PPARGC1A: variants seen among roughly 807,000 people sequenced by gnomAD.
PPARGC1A encodes peroxisome proliferator-activated receptor gamma coactivator 1-alpha.
A neutral mutation model predicts 88.7 loss-of-function variants in PPARGC1A; 25 were observed. That is an observed-to-expected ratio of 0.28 (90% confidence interval 0.21 to 0.39). PPARGC1A has a LOEUF of 0.39. Among genes scored for constraint, PPARGC1A ranks in the 10% least tolerant of loss-of-function variants. PPARGC1A has a pLI of 1.00. For synonymous variants in PPARGC1A, 363 were observed against 355.6 expected, an observed-to-expected ratio of 1.02 and a Z score of -0.24; for missense variants, 880 against 968.7, an observed-to-expected ratio of 0.91 and a Z score of 1.22.
At chr4:23,985,509 G>A in the PPARGC1A span, among the ~76,000 whole-genome samples, 1 of 149,710 alleles carries the variant, frequency 6.7e-6, no homozygotes, top group Admixed American at 6.7e-5. Flanking sequence ...TTGAACTGTG[G>A]GCATTGATTC....
At chr4:24,146,863 C>T in the PPARGC1A span, among the ~76,000 whole-genome samples, 1 of 152,192 alleles carries the variant, frequency 6.6e-6, no homozygotes, top group Admixed American at 6.5e-5. Flanking sequence ...CCTTGTTATT[C>T]TTTTCCACAT....
At chr4:24,383,894 C>T in the PPARGC1A span, among the ~76,000 whole-genome samples, 7 of 152,076 alleles carry the variant, frequency 4.6e-5, no homozygotes, top group African/African-American at 1.7e-4. Flanking sequence ...AGATACTTCT[C>T]GAGAAGAGCA....
the PPARGC1A span, among the ~76,000 whole-genome samples, chr4:23,956,956 C>T: frequency 6.6e-6 from 1 of 152,166 alleles, no homozygotes; most frequent in South Asian, 2.1e-4. Flanking sequence ...TTCCATTTTA[C>T]AGATAACGAA....
chr4:24,134,682 TC>T, the PPARGC1A span, among the ~76,000 whole-genome samples: 1 of 152,256 alleles, frequency 6.6e-6, no homozygotes, highest in African/African-American at 2.4e-5. Context: ...TTCAAAATTT[TC>T]ACATCATTCT....
At chr4:24,184,280 T>C in the PPARGC1A span, among the ~76,000 whole-genome samples, 37 of 152,306 alleles carry the variant, frequency 2.4e-4, no homozygotes, top group Admixed American at 1.3e-3. Flanking sequence ...AAGGAAAATA[T>C]GTAAATTTAC....
At chr4:24,044,237 G>A in the PPARGC1A span, among the ~76,000 whole-genome samples, 1 of 152,182 alleles carries the variant, frequency 6.6e-6, no homozygotes, top group Non-Finnish European at 1.5e-5. Context: ...GCTTTCCTGA[G>A]CATTCACTTA....
Position 23,830,962 on chromosome 4 carries a change from G to A in PPARGC1A, c.429+595C>T, listed in dbSNP as rs567241329. 2.6e-5 allele frequency among the ~76,000 whole-genome samples: 4 copies of A among 152,074 alleles called. No individual in the cohort carries two copies. The East Asian group carries it at 7.7e-4, about 29-fold the overall frequency. ...CAAAGTCTTAAAACATTGCACATTC[G>A]TTGATCTACCAATTCTTTCTAGGAT... is the stretch of plus-strand genomic sequence containing the variant. On this transcript the variant is annotated intron_variant, in intron 3 of 12. Transcript: ENST00000264867.
chr4:24,060,535 C>CA, the PPARGC1A span, among the ~76,000 whole-genome samples: 4 of 152,106 alleles, frequency 2.6e-5, no homozygotes, highest in Non-Finnish European at 4.4e-5. Flanking sequence ...AGAACAACAA[C>CA]AAAAAAAAAA....
At chr4:24,173,203 G>C in the PPARGC1A span, among the ~76,000 whole-genome samples, 1 of 152,008 alleles carries the variant, frequency 6.6e-6, no homozygotes, top group African/African-American at 2.4e-5. Context: ...ATTGTTGAAG[G>C]ATTGGCCTAA....
the PPARGC1A span, among the ~76,000 whole-genome samples, chr4:24,127,851 T>A: frequency 0.027 from 4,176 of 152,020 alleles, 73 homozygotes; most frequent in Middle Eastern, 0.048. Context: ...AAAAAAATAG[T>A]AAGGAAAATG....
chr4:24,008,343 G>C, the PPARGC1A span, among the ~76,000 whole-genome samples: 1 of 152,186 alleles, frequency 6.6e-6, no homozygotes, highest in Non-Finnish European at 1.5e-5. Context: ...AGATCCTTAG[G>C]AGCTTTTTTT....
the PPARGC1A span, among the ~76,000 whole-genome samples, chr4:24,310,113 G>T: frequency 1.3e-5 from 2 of 152,196 alleles, no homozygotes; most frequent in Non-Finnish European, 2.9e-5. Flanking sequence ...GGCATCCTGT[G>T]TTCAAGATGC....
chr4:23,990,982 C>G, the PPARGC1A span, among the ~76,000 whole-genome samples: 2,638 of 128,016 alleles, frequency 0.021, 51 homozygotes, highest in South Asian at 0.12. Context: ...AGTTTGGAAG[C>G]TGCAATCAAA....
At chr4:24,264,924 A>T in the PPARGC1A span, among the ~76,000 whole-genome samples, 1 of 152,198 alleles carries the variant, frequency 6.6e-6, no homozygotes, top group Non-Finnish European at 1.5e-5. Context: ...AACAACAAAG[A>T]AGTGAGGTAG....
chr4:23,831,549 G>A lies in PPARGC1A; in HGVS notation c.429+8C>T. 1 of 1,611,774 alleles carries A rather than the reference G, an allele frequency of 6.2e-7. No individual in the cohort carries two copies. The highest frequency in any genetic ancestry group is 2.2e-5 in the East Asian group (1 of 44,822). The stretch of plus-strand genomic sequence containing the variant: ...CAATTCCTGCTAAACAGTAGGAAGG[G>A]TTCTTACTAGAGACGGCTCTTCTGC... On this transcript the variant is annotated splice_region_variant and intron_variant, in intron 3 of 12. Transcript: ENST00000264867.
At chr4:23,828,695 T>C in intron 4 of PPARGC1A, 91 bp from the exon 5 acceptor site, 1 of 1,195,256 alleles carries the variant, frequency 8.4e-7, no homozygotes, top group Non-Finnish European at 1.2e-6. Context: ...GATTTTTCAA[T>C]GAAGTGTTCA....
At chr4:23,873,262 T>C (rs1478891933) in intron 2 of PPARGC1A, among the ~76,000 whole-genome samples, 1 of 149,736 alleles carries the variant, frequency 6.7e-6, no homozygotes, top group African/African-American at 2.4e-5. Flanking sequence ...CCAAGTGATA[T>C]GGGATGAAAA....
At chr4:24,111,182 G>C in the PPARGC1A span, among the ~76,000 whole-genome samples, 1 of 152,070 alleles carries the variant, frequency 6.6e-6, no homozygotes, top group South Asian at 2.1e-4. Flanking sequence ...CCTATTGATT[G>C]TTAATTGAGA....
the PPARGC1A span, among the ~76,000 whole-genome samples, chr4:24,009,313 CAAGA>C: frequency 6.6e-6 from 1 of 151,984 alleles, no homozygotes; most frequent in Non-Finnish European, 1.5e-5. Context: ...GTAAAGGAGG[CAAGA>C]AAGAAAGATG....
Sources: allele counts gnomAD v4.1 joint callset (sites outside exome capture counted in the v4.1 genomes callset), GRCh38; gene constraint gnomAD v4.1.1; transcripts MANE v1.5; gene names NCBI Gene and HGNC (gene_info 2026-07-23, HGNC 2026-07-21).